The following PSME4 variants were observed in gnomAD, a reference collection of about 807,000 sequenced individuals.
PSME4 encodes proteasome activator subunit 4, also known as proteasome activator complex subunit 4.
PSME4 carries 89 observed loss-of-function variants against 253.9 expected under a neutral mutation model. The ratio of observed to expected loss-of-function variants is 0.35; its 90% CI spans 0.30 to 0.42. The LOEUF (loss-of-function observed/expected upper bound fraction) is 0.42. Among genes scored for constraint, PSME4 ranks in the 10% least tolerant of loss-of-function variants. The pLI is 1.00. For synonymous variants in PSME4, 851 were observed against 759.2 expected (o/e 1.12, Z -1.99); for missense variants, 2,014 against 2,195.2 (o/e 0.92, Z 1.65).
rs774601380 is a variant in PSME4, at chr2:53,922,541, T to C, written c.2022A>G (p.Leu674=). 3.7e-6 allele frequency: 6 copies of C among 1,612,842 alleles called. No homozygotes were observed. The highest frequency in any genetic ancestry group is 1.7e-4 in the Middle Eastern group (1 of 6,054). Residue 674 remains leucine, a synonymous_variant, in exon 17 of 47, where the codon CTA becomes CTG. Coordinates refer to ENST00000404125, the MANE Select transcript of PSME4 (RefSeq NM_014614.3). ...LNDEELDKEL[L]WNLQLLSEIT... is the part of the protein sequence containing the mutation. ...CCTCAGACAAAAGTTGAAGATTCCA[T>C]AGTAATTCCTTGTCTAGCTCTTCAT...
chr2:53,922,014 T>C (rs1668348757), intron 17 of PSME4, among the ~76,000 whole-genome samples: 1 of 149,234 alleles, frequency 6.7e-6, no homozygotes, highest in African/African-American at 2.5e-5. Context: ...CTACTAAAAA[T>C]ACAAAAAATT....
chr2:53,964,108 AATAGCCAAT>A (rs1670609667), intron 1 of PSME4, among the ~76,000 whole-genome samples: 1 of 152,236 alleles, frequency 6.6e-6, no homozygotes, highest in African/African-American at 2.4e-5. Flanking sequence ...TTCAGGAAGA[AATAGCCAAT>A]TAACTAGTGA....
At position 53,936,835 on chromosome 2, in the gene PSME4, A is replaced by C; in HGVS notation, c.696-8T>G. The C allele has an allele frequency of 6.3e-7, 1 of 1,580,236 alleles. No homozygotes were observed. Among genetic ancestry groups the C allele is most frequent in the South Asian group, 1.2e-5 (1 of 86,008 alleles). ...AATTCATCAAACCAAAGTCTAAAGA[A>C]GAAAAATGTTGTTATGAATAGCAAG... is the stretch of plus-strand genomic sequence containing the variant. On this transcript the variant is annotated splice_polypyrimidine_tract_variant and splice_region_variant and intron_variant, in intron 5 of 46. Coordinates refer to ENST00000404125, the MANE Select transcript of PSME4 (RefSeq NM_014614.3).
chr2:53,885,829 C>T, intron 40 of PSME4, 54 bp from the exon 41 acceptor site: 2 of 1,247,274 alleles, frequency 1.6e-6, no homozygotes, highest in Non-Finnish European at 1.2e-6. Flanking sequence ...TTACAGACCA[C>T]AAAGTAGAAC....
At chr2:53,866,057 A>T (rs768620716) in intron 46 of PSME4, 28 bp downstream of exon 46, 7 of 1,576,356 alleles carry the variant, frequency 4.4e-6, no homozygotes, top group Non-Finnish European at 6.1e-6. Flanking sequence ...CACCAAACCA[A>T]TGTAAATTCA....
intron 28 of PSME4, among the ~76,000 whole-genome samples, chr2:53,900,868 A>G (rs928744747): frequency 1.3e-5 from 2 of 152,136 alleles, no homozygotes; most frequent in Non-Finnish European, 2.9e-5. Context: ...GAGTATAAAT[A>G]CAGATTTGCA....
intron 24 of PSME4, among the ~76,000 whole-genome samples, chr2:53,907,495 T>A (rs970800954): frequency 6.6e-6 from 1 of 152,156 alleles, no homozygotes; most frequent in Non-Finnish European, 1.5e-5. Flanking sequence ...AGTGAAACAG[T>A]TTAACTCCCT....
Position 53,901,353 on chromosome 2 carries a change from G to C in PSME4, c.3282C>G (p.Phe1094Leu). 2 of 1,609,492 alleles carry C rather than the reference G, an allele frequency of 1.2e-6. No homozygotes were observed. Among genetic ancestry groups the C allele is most frequent in the South Asian group, 1.1e-5 (1 of 90,986 alleles). ...HRQYETIGLD[F>L]TIPKSCVEIA... is the part of the protein sequence containing the mutation. The stretch of plus-strand genomic sequence containing the variant: ...ATGAAAGAATGATATTGCTTACTGT[G>C]AAGTCCAAGCCAATTGTTTCATACT... The change falls in exon 28 of 47, where the codon TTC becomes TTG. Residue 1094 changes from phenylalanine to leucine, a missense_variant. Physicochemically the swap from Phe to Leu is conservative, Grantham distance 22. Coordinates refer to ENST00000404125, the MANE Select transcript of PSME4 (RefSeq NM_014614.3).
In PSME4 at chr2:53,912,662, C is replaced by T. The variant is rs911033369; in HGVS notation, c.2517-2532G>A. On this transcript the variant is annotated intron_variant, in intron 20 of 46. Transcript: ENST00000404125. ...TTACTTTTTGGTAGAGACAGGGTCTCGCTATGGTGCCCAAGCTGGTCTCAA... is the reference window on the plus strand; with the variant it reads ...TTACTTTTTGGTAGAGACAGGGTCTTGCTATGGTGCCCAAGCTGGTCTCAA... Among the ~76,000 whole-genome samples, 7 of 152,260 alleles carry T rather than the reference C, an allele frequency of 4.6e-5. No homozygotes were observed. In the South Asian group the frequency reaches 6.2e-4, roughly 14 times the overall value.
chr2:53,948,576 T>C, intron 2 of PSME4, 39 bp from the exon 3 acceptor site: 1 of 1,154,588 alleles, frequency 8.7e-7, no homozygotes, highest in Non-Finnish European at 1.3e-6. Flanking sequence ...TGTATGCATA[T>C]GTGCACAGAT....
chr2:53,882,102 A>G (rs6713523), intron 41 of PSME4, among the ~76,000 whole-genome samples: 36,215 of 151,862 alleles, frequency 0.24, 4,995 homozygotes, highest in African/African-American at 0.38. Flanking sequence ...GATAGGATAA[A>G]TAAGATTTTT....
chr2:53,937,985 TC>T (rs1669201977), intron 4 of PSME4, among the ~76,000 whole-genome samples: 1 of 149,060 alleles, frequency 6.7e-6, no homozygotes, highest in Non-Finnish European at 1.5e-5. Flanking sequence ...AGAGTGAGAC[TC>T]CATCTCAAAA....
At chr2:53,883,065 T>C (rs1029099807) in intron 41 of PSME4, among the ~76,000 whole-genome samples, 1 of 152,176 alleles carries the variant, frequency 6.6e-6, no homozygotes, top group Non-Finnish European at 1.5e-5. Flanking sequence ...GAAAGGTTAA[T>C]GGTAATGGTA....
rs543501362 is a variant in PSME4, at chr2:53,869,629, C to A, written c.5101-91G>T. On this transcript the variant is annotated intron_variant, in intron 43 of 46. Coordinates refer to ENST00000404125, the MANE Select transcript of PSME4 (RefSeq NM_014614.3). ...GGTAGTGTGGGAACTGGGGTGAAGA[C>A]CTTCCCTGAAATTGCATGCAAATTT... 18 of 1,069,194 alleles carry A rather than the reference C, an allele frequency of 1.7e-5. No homozygotes were observed. In the South Asian group the frequency reaches 4.8e-4, roughly 29 times the overall value. The allele number at this position is 1,069,194 out of a possible 1,614,324, so 66.2% of individuals were successfully genotyped here.
chr2:53,946,075 A>T (rs547867240), intron 3 of PSME4, among the ~76,000 whole-genome samples: 1 of 152,340 alleles, frequency 6.6e-6, no homozygotes, highest in South Asian at 2.1e-4. Context: ...ATCAATAAGC[A>T]CTGACTGACC....
intron 41 of PSME4, among the ~76,000 whole-genome samples, chr2:53,878,434 A>G (rs1679232245): frequency 6.6e-6 from 1 of 152,236 alleles, no homozygotes. Flanking sequence ...ACCTTGAAAA[A>G]AGAACAGGAT....
chr2:53,922,388 A>T (rs1217236178), intron 17 of PSME4, 129 bp downstream of exon 17: 12 of 856,170 alleles, frequency 1.4e-5, no homozygotes, highest in Non-Finnish European at 2.1e-5. Context: ...TGATCTTCTG[A>T]AGCCTCATCA....
chr2:53,906,585 G>A lies in PSME4; in HGVS notation c.2943+13C>T. 6.5e-7 allele frequency: 1 copy of A among 1,541,818 alleles called. No individual in the cohort carries two copies. Among genetic ancestry groups the A allele is most frequent in the Non-Finnish European group, 8.7e-7 (1 of 1,147,508 alleles). On this transcript the variant is annotated intron_variant, in intron 26 of 46. Transcript: ENST00000404125. ...GGGAGGGCATGAGAGTGCAGCGTTT[G>A]GATAAGCCTTACCTGACTGTATGAA...
Position 53,899,850 on chromosome 2 carries a change from C to T in PSME4, c.3422+31G>A, listed in dbSNP as rs755793554. The T allele has an allele frequency of 1.7e-5, 27 of 1,606,750 alleles. 3 individuals are homozygous for T. The South Asian group carries it at 3.0e-4, about 18-fold the overall frequency. On this transcript the variant is annotated intron_variant, in intron 29 of 46. Coordinates refer to ENST00000404125, the MANE Select transcript of PSME4 (RefSeq NM_014614.3). ...AGCCAAAACTTACTATCTATAATGT[C>T]ATCTATTGAAGTACACCATTCATCA...
Sources: gnomAD v4.1 joint callset for allele counts (sites outside exome capture counted in the v4.1 genomes callset) on GRCh38, gnomAD v4.1.1 for gene constraint, MANE v1.5 for transcripts, NCBI Gene and HGNC (gene_info 2026-07-23, HGNC 2026-07-21) for gene names.